Variants in MGAM observed in about 807,000 individuals in gnomAD.
MGAM encodes alpha-1,4-glucosidase.
MGAM carries 253 observed loss-of-function variants against 358.8 expected under a neutral mutation model. The ratio of observed to expected loss-of-function variants is 0.71; its 90% CI spans 0.64 to 0.78. The LOEUF is 0.78. Ranked by LOEUF, MGAM falls within the 30% of genes least tolerant of loss-of-function variation. The probability of loss-of-function intolerance (pLI) is 0.00; values close to 1 mark genes in which losing one functional copy is unlikely to be tolerated. For synonymous variants in MGAM, 1,105 were observed against 1,227.1 expected (o/e 0.90, Z 2.08); for missense variants, 3,080 against 3,432.6 (o/e 0.90, Z 2.57).
rs1477693580 is a variant in MGAM at position 142,078,776 on chromosome 7, T to C, written c.5647-32T>C. On this transcript the variant is annotated intron_variant, in intron 48 of 70. Coordinates refer to ENST00000475668, the MANE Select transcript of MGAM (RefSeq NM_001365693.1). The stretch of plus-strand genomic sequence containing the variant: ...TAGAGAACTTTAAGACCACATGCTG[T>C]GCTGATCTATGACTTTGGCCTTACT... 2 of 1,520,474 alleles carry C rather than the reference T, an allele frequency of 1.3e-6. 1 individual carries two copies. 94.2% of individuals were successfully genotyped at this position (1,520,474 alleles called of 1,614,324 possible).
At chr7:142,057,102 T>C (rs1811627615) in intron 30 of MGAM, among the ~76,000 whole-genome samples, 160 bp downstream of exon 30, 1 of 152,220 alleles carries the variant, frequency 6.6e-6, no homozygotes, top group East Asian at 1.9e-4. Context: ...CTAATTATCA[T>C]TAAATTTATA....
In MGAM at chr7:142,036,298, G is replaced by A. The variant is rs1352463510; in HGVS notation, c.2076+13G>A. The A allele has an allele frequency of 6.4e-7, 1 of 1,572,198 alleles. No homozygotes were observed. The highest frequency in any genetic ancestry group is 8.7e-7 in the Non-Finnish European group (1 of 1,151,604). On this transcript the variant is annotated intron_variant, in intron 17 of 70. Transcript: ENST00000475668. ...CCAAGGCTACAAGGTAAGGCTCCTA[G>A]GACATAGAGTCAGAATAAATTTGGC...
At chr7:142,026,118 A>T (rs1806941360) in intron 8 of MGAM, among the ~76,000 whole-genome samples, 1 of 152,182 alleles carries the variant, frequency 6.6e-6, no homozygotes, top group South Asian at 2.1e-4. Flanking sequence ...TTATTCCTAG[A>T]TACGAATCAA....
intron 3 of MGAM, among the ~76,000 whole-genome samples, chr7:142,014,593 T>C (rs911872123): frequency 2.0e-5 from 3 of 152,128 alleles, no homozygotes; most frequent in Non-Finnish European, 4.4e-5. Context: ...ATATCCCTTC[T>C]GTATTATTAC....
intron 26 of MGAM, 129 bp downstream of exon 26, chr7:142,053,113 C>G: frequency 9.3e-7 from 1 of 1,081,060 alleles, no homozygotes; most frequent in South Asian, 1.6e-5. Flanking sequence ...ATCCAGAGAG[C>G]ATTGAGAAAT....
chr7:142,088,822 C>CACCTATCT (rs1815065436), intron 57 of MGAM, among the ~76,000 whole-genome samples: 1 of 124,744 alleles, frequency 8.0e-6, no homozygotes, highest in African/African-American at 2.7e-5. Context: ...ATCTATGTAC[C>CACCTATCT]ATCTATCTAT....
At chr7:142,065,497 C>G (rs748857463) in intron 38 of MGAM, 29 bp downstream of exon 38, 13 of 1,613,618 alleles carry the variant, frequency 8.1e-6, no homozygotes, top group Non-Finnish European at 8.5e-6. Context: ...AGGGCCTTTG[C>G]CGACAGGGCA....
At position 142,103,429 on chromosome 7, in the gene MGAM, C is replaced by T. The variant is rs189060335; in HGVS notation, c.8174C>T (p.Pro2725Leu). ...ATAACACCCTCCTTCAACAATGACC[C>T]CACGACACAGGTTTGTGACCAGCAA... The part of the protein sequence containing the change: ...MVITPSFNND[P>L]TTQVLSIDVT... Residue 2725 changes from proline to leucine, a missense_variant, in exon 70 of 71, where the codon CCC becomes CTC. Pro to Leu is a moderately conservative substitution (Grantham distance 98). This residue lies in a region of MGAM where 194 missense variants were observed against 172.8 expected (regional missense o/e 1.12). Transcript: ENST00000475668. 1 of 1,603,746 alleles carries T rather than the reference C, an allele frequency of 6.2e-7. No individual in the cohort carries two copies. The highest frequency in any genetic ancestry group is 1.3e-5 in the African/African-American group (1 of 74,520).
intron 21 of MGAM, among the ~76,000 whole-genome samples, chr7:142,041,344 T>C (rs532615405): frequency 2.6e-5 from 4 of 152,242 alleles, no homozygotes; most frequent in South Asian, 2.1e-4. Flanking sequence ...CCAGGAGCTC[T>C]TTGGAAGCCA....
intron 4 of MGAM, among the ~76,000 whole-genome samples, chr7:142,020,624 A>C (rs1225589572): frequency 1.4e-5 from 2 of 144,792 alleles, no homozygotes; most frequent in Non-Finnish European, 3.0e-5. Context: ...TTTTTTGAGA[A>C]GGAGCCTCAC....
intron 57 of MGAM, among the ~76,000 whole-genome samples, chr7:142,087,390 T>C (rs73738784): frequency 0.13 from 18,323 of 145,844 alleles, 3,094 homozygotes; most frequent in African/African-American, 0.3. Context: ...GCTTGAATGA[T>C]ACATGGCTCC....
chr7:142,051,711 C>T lies in MGAM; in HGVS notation c.2806-583C>T, dbSNP rs899392254. Reference sequence around the variant, plus strand: ...AAACCCAAAGAAATGAAACAGAATACCTGACTTACCCTGATGTGATTATTA... The same window carrying T: ...AAACCCAAAGAAATGAAACAGAATATCTGACTTACCCTGATGTGATTATTA... On this transcript the variant is annotated intron_variant, in intron 24 of 70. Transcript: ENST00000475668. Among the ~76,000 whole-genome samples the T allele has an allele frequency of 4.6e-5, 7 of 151,986 alleles. No homozygotes were observed. In the South Asian group the frequency reaches 1.5e-3, roughly 32 times the overall value.
intron 53 of MGAM, among the ~76,000 whole-genome samples, chr7:142,084,233 TAAGCCAGGC>T (rs2129054312): frequency 6.8e-6 from 1 of 146,186 alleles, no homozygotes; most frequent in South Asian, 2.2e-4. Flanking sequence ...AGCCTGTATC[TAAGCCAGGC>T]ATTTTGCCTC....
At chr7:142,042,892 C>A (rs1809201444) in intron 21 of MGAM, among the ~76,000 whole-genome samples, 1 of 41,108 alleles carries the variant, frequency 2.4e-5, no homozygotes, top group South Asian at 1.1e-3. Flanking sequence ...CATATAATAT[C>A]TAAATATAAT....
rs1219081537 is a variant in MGAM, at chr7:142,053,086, C to T, written c.3159+102C>T. 4.0e-6 allele frequency: 5 copies of T among 1,252,262 alleles called. No homozygotes were observed. In the African/African-American group the frequency reaches 6.0e-5, roughly 15 times the overall value. The allele number at this position is 1,252,262 out of a possible 1,614,324, so 77.6% of individuals were successfully genotyped here. Reference sequence around the variant, plus strand: ...ACCCTAAAATAAGTTAATCATGCTACAACAGACTATATCATTATCCAGAGA... The same window carrying T: ...ACCCTAAAATAAGTTAATCATGCTATAACAGACTATATCATTATCCAGAGA... On this transcript the variant is annotated intron_variant, in intron 26 of 70. Coordinates refer to ENST00000475668, the MANE Select transcript of MGAM (RefSeq NM_001365693.1).
intron 36 of MGAM, 81 bp downstream of exon 36, chr7:142,063,667 C>G (rs1812452570): frequency 6.7e-7 from 1 of 1,484,910 alleles, no homozygotes. Flanking sequence ...AGGGGCAGCC[C>G]CACAGCTGAG....
chr7:142,005,132 G>A (rs1805043151), intron 1 of MGAM, among the ~76,000 whole-genome samples: 1 of 151,910 alleles, frequency 6.6e-6, no homozygotes, highest in Non-Finnish European at 1.5e-5. Context: ...ATCCTCAGGA[G>A]AGCAGAACAA....
chr7:142,059,356 T>C (rs1227200222), intron 31 of MGAM, 116 bp from the exon 32 acceptor site: 2 of 1,472,136 alleles, frequency 1.4e-6, no homozygotes, highest in South Asian at 2.7e-5. Context: ...AGCTGGGATT[T>C]GAATGCATCA....
At chr7:142,099,072 C>A (rs982164024) in intron 66 of MGAM, among the ~76,000 whole-genome samples, 2 of 152,184 alleles carry the variant, frequency 1.3e-5, no homozygotes, top group Non-Finnish European at 2.9e-5. Flanking sequence ...TGCTTCTTAC[C>A]TGTAAAGTAG....
Sources: gnomAD v4.1 joint callset for allele counts (sites outside exome capture counted in the v4.1 genomes callset) on GRCh38, gnomAD v4.1.1 for gene constraint, gnomAD v4.1.1 regional missense constraint, MANE v1.5 for transcripts, NCBI Gene and HGNC (gene_info 2026-07-23, HGNC 2026-07-21) for gene names.